ITPRID1: variants seen among roughly 807,000 people sequenced by gnomAD.
ITPRID1 encodes protein ITPRID1.
ITPRID1 carries 96 observed loss-of-function variants against 95.4 expected under a neutral mutation model. That is an observed-to-expected ratio of 1.01 (90% CI 0.85 to 1.19). ITPRID1 has a LOEUF of 1.19. ITPRID1 is among the 50% of genes most tolerant of loss of function. The probability of loss-of-function intolerance (pLI) is 0.00; values close to 1 mark genes in which losing one functional copy is unlikely to be tolerated. For synonymous variants in ITPRID1, 510 were observed against 453.6 expected (o/e 1.12, Z -1.58); for missense variants, 1,339 against 1,252.9 (o/e 1.07, Z -1.04).
chr7:31,524,202 C>A (rs1416686658), intron 1 of ITPRID1, among the ~76,000 whole-genome samples: 2 of 152,122 alleles, frequency 1.3e-5, no homozygotes, highest in African/African-American at 4.8e-5. Context: ...CCCTTTCAAC[C>A]AATAATGCAG....
intron 10 of ITPRID1, among the ~76,000 whole-genome samples, chr7:31,608,105 A>C (rs1429097757): frequency 6.6e-6 from 1 of 151,998 alleles, no homozygotes; most frequent in African/African-American, 2.4e-5. Flanking sequence ...ATATTTAGTT[A>C]TCCCAACATC....
intron 10 of ITPRID1, among the ~76,000 whole-genome samples, chr7:31,601,846 G>A (rs1368104816): frequency 1.3e-5 from 2 of 152,152 alleles, no homozygotes; most frequent in African/African-American, 2.4e-5. Context: ...GCTCACGGGC[G>A]ACCAGAACAC....
At chr7:31,610,668 A>G (rs923970847) in intron 10 of ITPRID1, among the ~76,000 whole-genome samples, 1 of 151,510 alleles carries the variant, frequency 6.6e-6, no homozygotes, top group East Asian at 1.9e-4. Flanking sequence ...TTCCTAATAG[A>G]TTGACTCTTT....
chr7:31,572,225 C>A, intron 7 of ITPRID1, 37 bp downstream of exon 7: 3 of 1,291,984 alleles, frequency 2.3e-6, no homozygotes, highest in South Asian at 1.2e-5. Flanking sequence ...CCTGAGAAAT[C>A]ATTCTGTGCA....
chr7:31,561,388 G>A (rs1784618377), intron 5 of ITPRID1, among the ~76,000 whole-genome samples: 2 of 152,150 alleles, frequency 1.3e-5, no homozygotes, highest in Admixed American at 1.3e-4. Flanking sequence ...GAAGCTGTGG[G>A]CAGAGTCTGG....
chr7:31,598,699 G>A (rs973729850), intron 10 of ITPRID1, among the ~76,000 whole-genome samples: 6 of 151,912 alleles, frequency 3.9e-5, no homozygotes, highest in African/African-American at 1.4e-4. Context: ...CACCGCGCTC[G>A]GTCTAAAATA....
At chr7:31,519,456 CTG>C (rs770121056) in intron 1 of ITPRID1, among the ~76,000 whole-genome samples, 1 of 151,536 alleles carries the variant, frequency 6.6e-6, no homozygotes, top group Non-Finnish European at 1.5e-5. Flanking sequence ...AAAGTAAAAA[CTG>C]TTCGAAATCA....
At chr7:31,597,706 C>T (rs550110415) in intron 10 of ITPRID1, among the ~76,000 whole-genome samples, 1 of 152,126 alleles carries the variant, frequency 6.6e-6, no homozygotes, top group East Asian at 1.9e-4. Context: ...TAAATCTTCA[C>T]CAAATTAATC....
chr7:31,539,918 G>T (rs1265969918), intron 1 of ITPRID1, among the ~76,000 whole-genome samples: 3 of 152,092 alleles, frequency 2.0e-5, no homozygotes. Context: ...GAGGGGTTTG[G>T]AATGTTTCTG....
intron 9 of ITPRID1, among the ~76,000 whole-genome samples, chr7:31,581,187 A>C (rs1189039365): frequency 6.6e-6 from 1 of 152,222 alleles, no homozygotes; most frequent in African/African-American, 2.4e-5. Flanking sequence ...TCTAGTTATC[A>C]GAATTTCAAG....
Position 31,652,755 on chromosome 7 carries a change from G to A in ITPRID1, c.3061G>A (p.Ala1021Thr), listed in dbSNP as rs1473096124. 1.2e-6 allele frequency: 2 copies of A among 1,613,942 alleles called. No homozygotes were observed. The highest frequency in any genetic ancestry group is 1.6e-4 in the Middle Eastern group (1 of 6,062). Residue 1021 changes from alanine (A) to threonine (T), a missense_variant, in exon 15 of 15, where the codon GCT becomes ACT. Coordinates refer to ENST00000615280, the MANE Select transcript of ITPRID1 (RefSeq NM_001257967.3). The stretch of plus-strand genomic sequence containing the variant: ...CACCAGGATGTCTCCTTCATCATCA[G>A]CTTGGGCAAAGTTAGGTCCAACCCC... ...NSTRMSPSSS[A>T]WAKLGPTPLS...
intron 10 of ITPRID1, among the ~76,000 whole-genome samples, chr7:31,608,865 A>G (rs1774274013): frequency 6.6e-6 from 1 of 151,592 alleles, no homozygotes; most frequent in Non-Finnish European, 1.5e-5. Flanking sequence ...TATCCTGGAA[A>G]TAGAAGAGGA....
rs556898881 is a variant in ITPRID1 at position 31,578,176 on chromosome 7, C to T, written c.912C>T (p.His304=). ...GAELAATSIN[H]KQNHLSLSVE... Reference sequence around the variant, plus strand: ...AGCTAGCAGCAACCTCAATCAACCACAAGCAAAATCATTTGTCTCTGTCAG... The same window carrying T: ...AGCTAGCAGCAACCTCAATCAACCATAAGCAAAATCATTTGTCTCTGTCAG... The change falls in exon 9 of 15, where the codon CAC becomes CAT. Residue 304 remains histidine, a synonymous_variant. Transcript: ENST00000615280. 6.2e-7 allele frequency: 1 copy of T among 1,613,782 alleles called. No homozygotes were observed. The highest frequency in any genetic ancestry group is 2.2e-5 in the East Asian group (1 of 44,842).
chr7:31,550,340 C>T (rs565687716), intron 2 of ITPRID1, among the ~76,000 whole-genome samples: 18 of 152,168 alleles, frequency 1.2e-4, no homozygotes, highest in East Asian at 9.7e-4. Flanking sequence ...CTGGATTCCC[C>T]AGGCATGGAA....
chr7:31,591,708 T>A (rs1010707139), intron 10 of ITPRID1, among the ~76,000 whole-genome samples: 1 of 152,204 alleles, frequency 6.6e-6, no homozygotes, highest in Non-Finnish European at 1.5e-5. Flanking sequence ...AGGGTGACAT[T>A]GCCACTCTTA....
intron 10 of ITPRID1, among the ~76,000 whole-genome samples, chr7:31,631,832 A>G (rs1414946443): frequency 6.6e-6 from 1 of 152,238 alleles, no homozygotes; most frequent in Non-Finnish European, 1.5e-5. Flanking sequence ...TAGAAAAATA[A>G]TTAGCTTGTC....
chr7:31,617,579 G>C (rs1268160890), intron 10 of ITPRID1, among the ~76,000 whole-genome samples: 1 of 151,906 alleles, frequency 6.6e-6, no homozygotes. Flanking sequence ...ATCCTGATTA[G>C]TCTCTTCCAT....
Position 31,583,779 on chromosome 7 carries a change from G to A in ITPRID1, c.1228+588G>A, listed in dbSNP as rs934866984. On this transcript the variant is annotated intron_variant, in intron 10 of 14. Coordinates refer to ENST00000615280, the MANE Select transcript of ITPRID1 (RefSeq NM_001257967.3). ...TATGATCTGACTACCATAGTGGAAT[G>A]AATTTCATGGGACTGAGCCTGACTG... Among the ~76,000 whole-genome samples the A allele has an allele frequency of 3.3e-5, 5 of 152,290 alleles. No individual in the cohort carries two copies. In the East Asian group the frequency reaches 9.6e-4, roughly 29 times the overall value.
intron 10 of ITPRID1, among the ~76,000 whole-genome samples, chr7:31,627,653 C>T (rs1788588828): frequency 1.6e-5 from 1 of 61,462 alleles, no homozygotes; most frequent in Non-Finnish European, 2.7e-5. Context: ...GAGCAAGACA[C>T]TGTCTCAAAA....
Sources: allele counts gnomAD v4.1 joint callset (sites outside exome capture counted in the v4.1 genomes callset), GRCh38; gene constraint gnomAD v4.1.1; transcripts MANE v1.5; gene names NCBI Gene and HGNC (gene_info 2026-07-23, HGNC 2026-07-21).